The following AGMO variants were observed in gnomAD, a reference collection of about 807,000 sequenced individuals.
AGMO encodes the protein glyceryl-ether monooxygenase.
In AGMO, 75 loss-of-function variants were observed where a neutral mutation model predicts 60.2. That is an observed-to-expected ratio of 1.25 (90% CI 1.03 to 1.51). The LOEUF is 1.51. Among genes scored for constraint, AGMO ranks in the 40% most tolerant of loss-of-function variants. The pLI is 0.00. For synonymous variants in AGMO, 261 were observed against 177.1 expected, an observed-to-expected ratio of 1.47 and a Z score of -3.76; for missense variants, 763 against 525.5, an observed-to-expected ratio of 1.45 and a Z score of -4.42.
chr7:15,379,621 A>T (rs1369523234), intron 10 of AGMO, among the ~76,000 whole-genome samples: 1 of 152,152 alleles, frequency 6.6e-6, no homozygotes, highest in East Asian at 1.9e-4. Context: ...ATAACCTACC[A>T]ATCAACAAAA....
chr7:15,420,105 T>A (rs77323691), intron 4 of AGMO, among the ~76,000 whole-genome samples: 13,239 of 152,152 alleles, frequency 0.087, 742 homozygotes, highest in South Asian at 0.15. Flanking sequence ...TTGGAAAGAC[T>A]ATGCATAGCA....
chr7:15,245,819 T>A (rs1782723789), intron 12 of AGMO, among the ~76,000 whole-genome samples: 1 of 152,138 alleles, frequency 6.6e-6, no homozygotes. Flanking sequence ...TTAGGATTAG[T>A]ACAGAAACCA....
chr7:15,467,925 G>A (rs79698098), intron 3 of AGMO, among the ~76,000 whole-genome samples: 10,454 of 151,882 alleles, frequency 0.069, 571 homozygotes, highest in East Asian at 0.18. Context: ...CTGGATCCCC[G>A]TACCCTCCCT....
chr7:15,377,263 A>G (rs4493804), intron 10 of AGMO, among the ~76,000 whole-genome samples: 51,906 of 151,972 alleles, frequency 0.34, 9,458 homozygotes, highest in African/African-American at 0.43. Context: ...ACAAGCAAAT[A>G]CAACTTTCAA....
intron 12 of AGMO, among the ~76,000 whole-genome samples, chr7:15,320,471 G>A (rs998228764): frequency 9.9e-5 from 15 of 151,862 alleles, no homozygotes; most frequent in Non-Finnish European, 1.9e-4. Context: ...AATTGATTAT[G>A]ATTAACTTTA....
chr7:15,385,397 C>T (rs147519524), intron 10 of AGMO, 49 bp downstream of exon 10: 1 of 1,240,100 alleles, frequency 8.1e-7, no homozygotes, highest in Non-Finnish European at 1.2e-6. Context: ...CATTTTCAAA[C>T]AAAGTAACAG....
chr7:15,158,915 G>A, the AGMO span, among the ~76,000 whole-genome samples: 2 of 152,064 alleles, frequency 1.3e-5, no homozygotes, highest in Admixed American at 6.6e-5. Flanking sequence ...AATACAAAAT[G>A]TTGAGCAAAG....
chr7:15,393,956 G>A (rs918070424), intron 6 of AGMO, among the ~76,000 whole-genome samples, 157 bp downstream of exon 6: 19 of 140,636 alleles, frequency 1.4e-4, no homozygotes, highest in African/African-American at 3.7e-4. Context: ...TTGGAGATGA[G>A]GCTTGTACCA....
the AGMO span, among the ~76,000 whole-genome samples, chr7:15,130,527 C>G: frequency 1.3e-5 from 2 of 151,948 alleles, no homozygotes; most frequent in African/African-American, 4.8e-5. Context: ...CGATATTTCA[C>G]AAAAAGGTTC....
intron 12 of AGMO, among the ~76,000 whole-genome samples, chr7:15,318,214 A>G (rs1258875925): frequency 6.6e-6 from 1 of 151,880 alleles, no homozygotes; most frequent in African/African-American, 2.4e-5. Context: ...TGTGTTGGCC[A>G]GGCTGGTCTC....
intron 12 of AGMO, among the ~76,000 whole-genome samples, chr7:15,326,358 T>A (rs539278087): frequency 6.6e-5 from 10 of 152,310 alleles, no homozygotes; most frequent in African/African-American, 1.7e-4. Context: ...TTTTTTAGAA[T>A]ATAGCGTCTT....
intron 2 of AGMO, among the ~76,000 whole-genome samples, chr7:15,557,219 G>A (rs189303912): frequency 1.1e-4 from 17 of 152,126 alleles, no homozygotes; most frequent in South Asian, 2.1e-4. Context: ...AAACACGTTC[G>A]CTTTGATTTC....
intron 3 of AGMO, among the ~76,000 whole-genome samples, chr7:15,487,559 A>G (rs1473165191): frequency 6.6e-6 from 1 of 152,212 alleles, no homozygotes; most frequent in Non-Finnish European, 1.5e-5. Flanking sequence ...TAACTTAGAT[A>G]TCTAATTATT....
the AGMO span, among the ~76,000 whole-genome samples, chr7:15,158,248 A>T: frequency 6.6e-6 from 1 of 152,170 alleles, no homozygotes; most frequent in African/African-American, 2.4e-5. Flanking sequence ...GTTCAGGAAT[A>T]TGCATCTAGC....
intron 12 of AGMO, among the ~76,000 whole-genome samples, chr7:15,216,265 T>A (rs1327645797): frequency 6.6e-6 from 1 of 152,150 alleles, no homozygotes; most frequent in African/African-American, 2.4e-5. Context: ...TTAATGGCTT[T>A]GGCTTTGTGA....
At chr7:15,468,319 A>G (rs748488510) in intron 3 of AGMO, among the ~76,000 whole-genome samples, 11 of 152,122 alleles carry the variant, frequency 7.2e-5, no homozygotes, top group Non-Finnish European at 1.5e-4. Context: ...AGATTACTAT[A>G]CCAAGAAATT....
chr7:15,382,819 T>G (rs1783747868), intron 10 of AGMO, among the ~76,000 whole-genome samples: 1 of 152,174 alleles, frequency 6.6e-6, no homozygotes, highest in African/African-American at 2.4e-5. Context: ...TTAATTAAGA[T>G]GTTATCCTAC....
chr7:15,248,360 C>G (rs1299158911), intron 12 of AGMO, among the ~76,000 whole-genome samples: 1 of 150,970 alleles, frequency 6.6e-6, no homozygotes, highest in Non-Finnish European at 1.5e-5. Flanking sequence ...AGACTGATCA[C>G]AGAGAGCCCA....
chr7:15,514,401 G>A (rs959490696), intron 3 of AGMO, among the ~76,000 whole-genome samples: 1 of 152,068 alleles, frequency 6.6e-6, no homozygotes, highest in Non-Finnish European at 1.5e-5. Flanking sequence ...TATGAATATG[G>A]TATTTAGTAC....
Sources: allele counts gnomAD v4.1 joint callset (sites outside exome capture counted in the v4.1 genomes callset), GRCh38; gene constraint gnomAD v4.1.1; transcripts MANE v1.5; gene names NCBI Gene and HGNC (gene_info 2026-07-23, HGNC 2026-07-21).